CROCC2: variants seen among roughly 807,000 people sequenced by gnomAD.
The protein encoded by CROCC2 is ciliary rootlet coiled-coil protein 2.
Under a neutral mutation model 177.6 loss-of-function variants are expected in CROCC2, and 163 were observed. The observed-to-expected ratio is 0.92, with a 90% CI of 0.81 to 1.05. The LOEUF (loss-of-function observed/expected upper bound fraction) is 1.05, where lower values mean the gene tolerates loss of function less well. Ranked by LOEUF, CROCC2 falls within the 50% of genes least tolerant of loss-of-function variation. The probability of loss-of-function intolerance (pLI) is 0.00; values close to 1 mark genes in which losing one functional copy is unlikely to be tolerated. For missense variants in CROCC2, 1,929 were observed against 1,797.8 expected, an observed-to-expected ratio of 1.07 and a Z score of -1.32; for synonymous variants, 904 against 787.3, an observed-to-expected ratio of 1.15 and a Z score of -2.48.
At chr2:240,931,443 C>A (rs2059430491) in intron 7 of CROCC2, among the ~76,000 whole-genome samples, 1 of 152,190 alleles carries the variant, frequency 6.6e-6, no homozygotes, top group Non-Finnish European at 1.5e-5. Context: ...CAGGAACATT[C>A]TTCTAGGGGC....
Position 240,931,116 on chromosome 2 carries a change from C to G in CROCC2, c.935C>G (p.Ala312Gly), listed in dbSNP as rs780839459. 3 of 712,450 alleles carry G rather than the reference C, an allele frequency of 4.2e-6. No individual in the cohort carries two copies. The African/African-American group carries it at 5.3e-5, about 12-fold the overall frequency. The allele number at this position is 712,450 out of a possible 1,614,324, so 44.1% of individuals were successfully genotyped here. A position where few individuals can be genotyped will look rare whatever the true frequency, so the allele number is the denominator to read the frequency against. The change falls in exon 7 of 32, where the codon GCG becomes GGG. Residue 312 changes from alanine to glycine, a missense_variant. Transcript: ENST00000690015. Reference protein sequence around the residue: ...LQGRWDAEKVALQARLSEQTL... With the variant: ...LQGRWDAEKVGLQARLSEQTL... Reference sequence around the variant, plus strand: ...GGCCGCTGGGACGCAGAGAAGGTGGCGCTCCAGGCCAGGTGGGCGCCCAGG... The same window carrying G: ...GGCCGCTGGGACGCAGAGAAGGTGGGGCTCCAGGCCAGGTGGGCGCCCAGG...
intron 27 of CROCC2, chr2:240,981,836 TC>T (rs2059802674): frequency 6.6e-6 from 1 of 151,784 alleles, no homozygotes; most frequent in African/African-American, 2.4e-5. Flanking sequence ...GTGCAAGGGC[TC>T]GGGGCTCATC....
chr2:240,933,780 T>G lies in CROCC2; in HGVS notation c.1574T>G (p.Leu525Arg). ...EAEAAELQRS[L>R]LLQAERREEL... ...GAGGCTGCAGAGCTGCAGAGAAGCC[T>G]CCTGCTGCAGGCAGAGCGGAGGGAG... is the stretch of plus-strand genomic sequence containing the variant. The change falls in exon 11 of 32, where the codon CTC (leucine) becomes CGC (arginine). Residue 525 changes from leucine to arginine, a missense_variant. Physicochemically the swap from Leu to Arg is moderately radical, Grantham distance 102. Transcript: ENST00000690015. 2 of 1,549,298 alleles carry G rather than the reference T, an allele frequency of 1.3e-6. No individual in the cohort carries two copies. Among genetic ancestry groups the G allele is most frequent in the Non-Finnish European group, 1.7e-6 (2 of 1,146,768 alleles).
intron 28 of CROCC2, chr2:240,985,932 C>T (rs1204978149): frequency 2.2e-6 from 1 of 456,412 alleles, no homozygotes; most frequent in African/African-American, 2.0e-5. Context: ...CACATGGCCC[C>T]AGCCCACGGG....
At position 240,958,015 on chromosome 2, in the gene CROCC2, G is replaced by T. The variant is rs2059604495; in HGVS notation, c.2944-1286G>T. 1 of 985,286 alleles carries T rather than the reference G, an allele frequency of 1.0e-6. No homozygotes were observed. The highest frequency in any genetic ancestry group is 1.7e-5 in the African/African-American group (1 of 57,230). The allele number at this position is 985,286 out of a possible 1,614,324, so 61.0% of individuals were successfully genotyped here. ...TGGAGCCTTCTCTTGAGCTGGCCCT[G>T]AGTCTCCCCCGGACTCGGTACCAGG... On this transcript the variant is annotated intron_variant, in intron 19 of 31. Coordinates refer to ENST00000690015, the MANE Select transcript of CROCC2 (RefSeq NM_001351305.2). The surrounding 1 kb of genome is among the most constrained non-coding windows in gnomAD (Gnocchi z 6.7).
At chr2:240,975,819 T>A (rs2059758332) in intron 27 of CROCC2, among the ~76,000 whole-genome samples, 1 of 141,928 alleles carries the variant, frequency 7.0e-6, no homozygotes, top group Non-Finnish European at 1.5e-5. Flanking sequence ...AACCTCTGCC[T>A]CCCAGGTTCA....
chr2:240,927,221 G>A (rs2059400776), intron 5 of CROCC2, among the ~76,000 whole-genome samples: 1 of 152,186 alleles, frequency 6.6e-6, no homozygotes, highest in Non-Finnish European at 1.5e-5. Context: ...CGGCTGCTCT[G>A]AAGACCCCTG....
At chr2:240,956,989 C>T (rs554367418) in intron 19 of CROCC2, among the ~76,000 whole-genome samples, 14 of 152,232 alleles carry the variant, frequency 9.2e-5, no homozygotes, top group African/African-American at 3.1e-4. Context: ...AGGGCCCAGG[C>T]GGCCTGAGGA....
rs937730058 is a variant in CROCC2 at position 240,959,426 on chromosome 2, G to T, written c.3069G>T (p.Arg1023=). The T allele has an allele frequency of 2.6e-6, 4 of 1,550,420 alleles. No homozygotes were observed. The Admixed American group carries it at 5.9e-5, about 23-fold the overall frequency. Residue 1023 remains arginine (R), a synonymous_variant, in exon 20 of 32, where the codon CGG becomes CGT. Transcript: ENST00000690015. ...RESLQDLAAE[R]GDVEREAERL... ...GCCTCCAGGACCTAGCGGCTGAGCG[G>T]GGCGATGTGGAGAGAGAGGTGAGAG...
chr2:240,964,980 A>C (rs1237888814), intron 22 of CROCC2, among the ~76,000 whole-genome samples: 1 of 152,236 alleles, frequency 6.6e-6, no homozygotes, highest in Non-Finnish European at 1.5e-5. Context: ...GAACTCAGGC[A>C]GGCTAGAGGG....
intron 28 of CROCC2, chr2:240,983,284 C>T (rs1205905987): frequency 3.9e-6 from 4 of 1,027,942 alleles, no homozygotes; most frequent in Middle Eastern, 2.3e-4. Context: ...AGTAAGCACC[C>T]CTACAACAGA....
In CROCC2 at chr2:240,972,557, T is replaced by C. The variant is rs1238310879; in HGVS notation, c.4401+4295T>C. ...CCTTCTGAGTCAGGGTATGGGGACA[T>C]GGGGGTCCAACTTTGGGTCTCCACA... On this transcript the variant is annotated intron_variant, in intron 27 of 31. Transcript: ENST00000690015. The surrounding 1 kb of genome is among the most constrained non-coding windows in gnomAD (Gnocchi z 7.1). Among the ~76,000 whole-genome samples, 1 of 151,942 alleles carries C rather than the reference T, an allele frequency of 6.6e-6. No homozygotes were observed. Among genetic ancestry groups the C allele is most frequent in the Non-Finnish European group, 1.5e-5 (1 of 67,986 alleles).
rs1428765777 is a variant in CROCC2 at position 240,953,329 on chromosome 2, C to A, written c.2830-2530C>A. On this transcript the variant is annotated intron_variant, in intron 18 of 31. Transcript: ENST00000690015. This position sits in a 1 kb window ranked among gnomAD's most constrained non-coding sequence, Gnocchi z 4.0. ...ACTCAGGAGGCTGAGGCAGGAGAAT[C>A]GCTTGAACCCAGGAGATTCTCACTG... is the stretch of plus-strand genomic sequence containing the variant. 1.3e-5 allele frequency among the ~76,000 whole-genome samples: 2 copies of A among 151,948 alleles called. No homozygotes were observed. Among genetic ancestry groups the A allele is most frequent in the Non-Finnish European group, 2.9e-5 (2 of 67,980 alleles).
chr2:240,946,009 C>A, intron 14 of CROCC2, 51 bp from the exon 15 acceptor site: 1 of 1,393,780 alleles, frequency 7.2e-7, no homozygotes, highest in South Asian at 1.6e-5. Flanking sequence ...CATGCTCACC[C>A]ACCCACTTAC....
chr2:240,915,521 T>TG (rs750727009), intron 1 of CROCC2, among the ~76,000 whole-genome samples: 12 of 152,100 alleles, frequency 7.9e-5, no homozygotes, highest in Non-Finnish European at 1.5e-4. Flanking sequence ...GGACATGAGG[T>TG]GGGGGGTAAC....
rs904817811 is a variant in CROCC2, at chr2:240,972,387, G to A, written c.4401+4125G>A. The stretch of plus-strand genomic sequence containing the variant: ...GCGGCGCTCTCCGGTGCACGGTCAC[G>A]GTGCGGTCCTCCACCTCCCCAGCTG... On this transcript the variant is annotated intron_variant, in intron 27 of 31. Transcript: ENST00000690015. The surrounding 1 kb of genome is among the most constrained non-coding windows in gnomAD (Gnocchi z 7.1). Among the ~76,000 whole-genome samples the A allele has an allele frequency of 5.3e-5, 8 of 150,302 alleles. No individual in the cohort carries two copies. Among genetic ancestry groups the A allele is most frequent in the Middle Eastern group, 6.9e-3 (2 of 290 alleles).
intron 1 of CROCC2, among the ~76,000 whole-genome samples, chr2:240,907,065 G>A (rs1559584928): frequency 6.6e-6 from 1 of 152,160 alleles, no homozygotes; most frequent in Admixed American, 6.5e-5. Flanking sequence ...CTGGGGTGGG[G>A]ATGGGCAGGC....
At chr2:240,923,502 C>T (rs2059371577) in intron 4 of CROCC2, among the ~76,000 whole-genome samples, 4 of 112,236 alleles carry the variant, frequency 3.6e-5, no homozygotes, top group African/African-American at 3.5e-5. Flanking sequence ...CCACACTAAC[C>T]CAGCCCCCAA....
intron 18 of CROCC2, among the ~76,000 whole-genome samples, chr2:240,951,818 T>C (rs1299798996): frequency 3.3e-5 from 5 of 152,182 alleles, no homozygotes; most frequent in African/African-American, 1.2e-4. Context: ...CAATCATCCA[T>C]CAGTGTATCC....
Sources: allele counts gnomAD v4.1 joint callset (sites outside exome capture counted in the v4.1 genomes callset), GRCh38; gene constraint gnomAD v4.1.1; non-coding constraint Gnocchi (gnomAD v3.1); transcripts MANE v1.5; gene names NCBI Gene and HGNC (gene_info 2026-07-23, HGNC 2026-07-21).